Variants in PRDM16 observed in about 807,000 individuals in gnomAD.
PRDM16 encodes the protein histone-lysine N-methyltransferase PRDM16.
In PRDM16, 23 loss-of-function variants were observed where a neutral mutation model predicts 110.6. That is an observed-to-expected ratio of 0.21 (90% CI 0.15 to 0.29). The LOEUF (loss-of-function observed/expected upper bound fraction) is 0.29. PRDM16 is among the 10% of genes least tolerant of loss of function. The pLI is 1.00. For synonymous variants in PRDM16, 799 were observed against 781.8 expected, an observed-to-expected ratio of 1.02 and a Z score of -0.37; for missense variants, 1,615 against 1,794.3, an observed-to-expected ratio of 0.90 and a Z score of 1.81.
intron 1 of PRDM16, among the ~76,000 whole-genome samples, chr1:3,180,712 G>GGTCTTCC (rs1644140502): frequency 7.5e-6 from 1 of 132,750 alleles, no homozygotes; most frequent in Non-Finnish European, 1.6e-5. Flanking sequence ...CAGCAGACGG[G>GGTCTTCC]AGACCCTTCC....
At chr1:3,369,501 G>A (rs966925015) in intron 3 of PRDM16, among the ~76,000 whole-genome samples, 3 of 151,376 alleles carry the variant, frequency 2.0e-5, no homozygotes, top group Admixed American at 1.3e-4. Flanking sequence ...CAGCATCTCC[G>A]TTCTTCCACA....
chr1:3,264,069 A>G (rs2455102), intron 3 of PRDM16, among the ~76,000 whole-genome samples: 58,612 of 152,094 alleles, frequency 0.39, 16,552 homozygotes, highest in African/African-American at 0.79. Context: ...ATAGGTTTCC[A>G]AGGCCAAGGC....
intron 1 of PRDM16, among the ~76,000 whole-genome samples, chr1:3,154,162 G>T (rs189049680): frequency 6.6e-6 from 1 of 152,160 alleles, no homozygotes; most frequent in African/African-American, 2.4e-5. Context: ...GGCTGTCACC[G>T]GGACCTGCCA....
rs980918252 is a variant in PRDM16 at position 3,195,594 on chromosome 1, C to G, written c.387+9120C>G. Among the ~76,000 whole-genome samples, 16 of 149,844 alleles carry G rather than the reference C, an allele frequency of 1.1e-4. No homozygotes were observed. The South Asian group carries it at 2.8e-3, about 26-fold the overall frequency. On this transcript the variant is annotated intron_variant, in intron 2 of 16. Coordinates refer to ENST00000270722, the MANE Select transcript of PRDM16 (RefSeq NM_022114.4). Reference sequence around the variant, plus strand: ...ATCGCATCCCACACGCCCCGCCCCCCCTGTCCCAGTGACACCCAGAGCCCA... The same window carrying G: ...ATCGCATCCCACACGCCCCGCCCCCGCTGTCCCAGTGACACCCAGAGCCCA...
rs181470446 is a variant in PRDM16 at position 3,243,684 on chromosome 1, C to G, written c.388-403C>G. Among the ~76,000 whole-genome samples, 1 of 152,362 alleles carries G rather than the reference C, an allele frequency of 6.6e-6. No homozygotes were observed. The highest frequency in any genetic ancestry group is 2.4e-5 in the African/African-American group (1 of 41,586). ...TCGCCGGCGGAACTTGGAGGAAACA[C>G]AAATAGAGTCTGTTCACCATCCAGG... On this transcript the variant is annotated intron_variant, in intron 2 of 16. Coordinates refer to ENST00000270722, the MANE Select transcript of PRDM16 (RefSeq NM_022114.4). The surrounding 1 kb of genome is among the most constrained non-coding windows in gnomAD (Gnocchi z 5.5).
intron 1 of PRDM16, among the ~76,000 whole-genome samples, chr1:3,172,237 G>A (rs1644034186): frequency 1.3e-5 from 2 of 152,180 alleles, no homozygotes; most frequent in Non-Finnish European, 2.9e-5. Flanking sequence ...TACAGAGGAG[G>A]AGGCTGAGGT....
At chr1:3,109,053 G>A (rs1043756002) in intron 1 of PRDM16, among the ~76,000 whole-genome samples, 3 of 151,202 alleles carry the variant, frequency 2.0e-5, no homozygotes, top group African/African-American at 7.3e-5. Flanking sequence ...CTGCACTCCA[G>A]CCTGGGTGAC....
intron 1 of PRDM16, among the ~76,000 whole-genome samples, chr1:3,169,660 G>A (rs1353345659): frequency 2.0e-5 from 3 of 152,140 alleles, no homozygotes; most frequent in Non-Finnish European, 4.4e-5. Context: ...AAAAAAAACA[G>A]AGCCCGCCCC....
At chr1:3,386,502 C>T (rs1031410601) in intron 4 of PRDM16, among the ~76,000 whole-genome samples, 1 of 152,172 alleles carries the variant, frequency 6.6e-6, no homozygotes, top group African/African-American at 2.4e-5. Flanking sequence ...TGGACAAGCT[C>T]GTTCTGGATG....
At chr1:3,117,847 G>T (rs780911787) in intron 1 of PRDM16, among the ~76,000 whole-genome samples, 19 of 152,144 alleles carry the variant, frequency 1.2e-4, no homozygotes, top group Admixed American at 1.1e-3. Flanking sequence ...GCACATTCAT[G>T]TTTCCACTTG....
chr1:3,404,031 CG>C (rs1212620480), intron 6 of PRDM16, among the ~76,000 whole-genome samples: 2 of 152,178 alleles, frequency 1.3e-5, no homozygotes, highest in Non-Finnish European at 2.9e-5. Context: ...CAATTAACAA[CG>C]GGGGAAAAGA....
At chr1:3,146,964 G>A (rs1401570293) in intron 1 of PRDM16, among the ~76,000 whole-genome samples, 7 of 120,514 alleles carry the variant, frequency 5.8e-5, no homozygotes, top group South Asian at 3.2e-4. Flanking sequence ...ATGTGTGCAC[G>A]TGTGCTCGGT....
In PRDM16 at chr1:3,370,991, A is replaced by T. The variant is rs1324082709; in HGVS notation, c.439-14161A>T. On this transcript the variant is annotated intron_variant, in intron 3 of 16. Transcript: ENST00000270722. The surrounding 1 kb of genome is among the most constrained non-coding windows in gnomAD (Gnocchi z 4.8). ...CATCCATTTGTCCATCCACCCACCG[A>T]TCCACCATCTATTCATCCATCCATC... 6.6e-6 allele frequency among the ~76,000 whole-genome samples: 1 copy of T among 150,814 alleles called. No individual in the cohort carries two copies. The highest frequency in any genetic ancestry group is 1.9e-4 in the East Asian group (1 of 5,132).
At chr1:3,403,511 C>G (rs1169478941) in intron 6 of PRDM16, among the ~76,000 whole-genome samples, 2 of 152,226 alleles carry the variant, frequency 1.3e-5, no homozygotes, top group African/African-American at 4.8e-5. Flanking sequence ...GAAGGGGTCA[C>G]CCCTATCCCC....
chr1:3,416,405 G>A (rs1366002727), intron 10 of PRDM16, among the ~76,000 whole-genome samples: 1 of 152,170 alleles, frequency 6.6e-6, no homozygotes. Flanking sequence ...TGCTGTAAAT[G>A]GGCGGGTCAC....
At chr1:3,408,438 G>A (rs1171105924) in intron 8 of PRDM16, among the ~76,000 whole-genome samples, 1 of 152,266 alleles carries the variant, frequency 6.6e-6, no homozygotes, top group Non-Finnish European at 1.5e-5. Flanking sequence ...CTCCCACTGG[G>A]CACTTTGCAG....
At chr1:3,086,653 C>A (rs1642159113) in intron 1 of PRDM16, among the ~76,000 whole-genome samples, 1 of 152,168 alleles carries the variant, frequency 6.6e-6, no homozygotes, top group South Asian at 2.1e-4. Context: ...CAGACCCAGG[C>A]CCGGCCACTG....
intron 3 of PRDM16, among the ~76,000 whole-genome samples, chr1:3,330,045 A>G (rs1642011792): frequency 6.6e-6 from 1 of 152,256 alleles, no homozygotes; most frequent in African/African-American, 2.4e-5. Context: ...ACAAGTGATG[A>G]TGGCAGAGTC....
chr1:3,396,100 C>T (rs56378103), intron 4 of PRDM16, among the ~76,000 whole-genome samples: 50,129 of 152,104 alleles, frequency 0.33, 8,758 homozygotes, highest in Middle Eastern at 0.4. Context: ...CCCCCTCCCC[C>T]GCCGCCACTG....
Sources: allele counts gnomAD v4.1 joint callset (sites outside exome capture counted in the v4.1 genomes callset), GRCh38; gene constraint gnomAD v4.1.1; non-coding constraint Gnocchi (gnomAD v3.1); transcripts MANE v1.5; gene names NCBI Gene and HGNC (gene_info 2026-07-23, HGNC 2026-07-21).